DCTN5: variants seen among roughly 807,000 people sequenced by gnomAD.
The protein encoded by DCTN5 is dynactin subunit 5, also known as dynactin 4.
Under a neutral mutation model 23.5 loss-of-function variants are expected in DCTN5, and 14 were observed. The observed-to-expected ratio is 0.60, with a 90% CI of 0.39 to 0.93. DCTN5 has a LOEUF of 0.93. DCTN5 is among the 40% of genes least tolerant of loss of function. DCTN5 has a pLI of 0.00. For missense variants in DCTN5, 156 were observed against 225.9 expected (o/e 0.69, Z 1.98); for synonymous variants, 67 against 79.6 (o/e 0.84, Z 0.84).
rs541127725 is a variant in DCTN5, at chr16:23,673,996, C to G, written c.*6852C>G. 2.0e-5 allele frequency: 3 copies of G among 152,340 alleles called. No individual in the cohort carries two copies. In the East Asian group the frequency reaches 5.8e-4, roughly 29 times the overall value. 9.4% of individuals were successfully genotyped at this position (152,340 alleles called of 1,614,324 possible). On this transcript the variant is annotated 3_prime_UTR_variant, in exon 6 of 6. Coordinates refer to ENST00000300087, the MANE Select transcript of DCTN5 (RefSeq NM_032486.4). ...CCAACAAGATAAAAAGGCAGCCTTG[C>G]ATGTCACTTGGACCACAGCTGTCTG...
chr16:23,666,848 A>G lies in DCTN5; in HGVS notation c.452-199A>G, dbSNP rs1374198488. 8.1e-6 allele frequency: 6 copies of G among 738,930 alleles called. 1 individual carries two copies. The Admixed American group carries it at 1.9e-4, about 23-fold the overall frequency. 45.8% of individuals were successfully genotyped at this position (738,930 alleles called of 1,614,324 possible). A position where few individuals can be genotyped will look rare whatever the true frequency, so the allele number is the denominator to read the frequency against. On this transcript the variant is annotated intron_variant, in intron 5 of 5. Coordinates refer to ENST00000300087, the MANE Select transcript of DCTN5 (RefSeq NM_032486.4). Reference sequence around the variant, plus strand: ...GAGGAGGAAGGAGAGACTTTTGTTTAGTAATTTCTCCATATTGGGGTCCTG... The same window carrying G: ...GAGGAGGAAGGAGAGACTTTTGTTTGGTAATTTCTCCATATTGGGGTCCTG...
chr16:23,663,495 C>G (rs1024830710), intron 4 of DCTN5, among the ~76,000 whole-genome samples: 1 of 152,172 alleles, frequency 6.6e-6, no homozygotes, highest in African/African-American at 2.4e-5. Flanking sequence ...AGGAGGATCA[C>G]TTGAGGCCAG....
chr16:23,673,293 T>C lies in DCTN5; in HGVS notation c.*6149T>C, dbSNP rs886321235. ...AACTTGCTTGTATTTGTTTATTTTTTAAATAGAGACAGGGTTTTACCATGT... is the reference window on the plus strand; with the variant it reads ...AACTTGCTTGTATTTGTTTATTTTTCAAATAGAGACAGGGTTTTACCATGT... On this transcript the variant is annotated 3_prime_UTR_variant, in exon 6 of 6. Coordinates refer to ENST00000300087, the MANE Select transcript of DCTN5 (RefSeq NM_032486.4). The C allele has an allele frequency of 6.6e-6, 1 of 152,198 alleles. No homozygotes were observed. The highest frequency in any genetic ancestry group is 2.4e-5 in the African/African-American group (1 of 41,450). 9.4% of individuals were successfully genotyped at this position (152,198 alleles called of 1,614,324 possible).
At chr16:23,658,722 C>T (rs1967757609) in intron 3 of DCTN5, 97 bp downstream of exon 3, 3 of 904,594 alleles carry the variant, frequency 3.3e-6, no homozygotes, top group Non-Finnish European at 5.4e-6. Flanking sequence ...CTAGGTCTGT[C>T]CTGTTTGAAG....
chr16:23,660,442 G>A (rs936536355), intron 3 of DCTN5, among the ~76,000 whole-genome samples: 1 of 152,170 alleles, frequency 6.6e-6, no homozygotes, highest in African/African-American at 2.4e-5. Context: ...GACATTTGAG[G>A]AACCCTAGAG....
Position 23,675,540 on chromosome 16 carries a change from G to T in DCTN5, c.*8396G>T. ...AAAGTTTATCTACAAAAATGCTTTT[G>T]TGCCTCTTACATACAACCCTTCCAG... On this transcript the variant is annotated 3_prime_UTR_variant, in exon 6 of 6. Transcript: ENST00000300087. 1 of 151,616 alleles carries T rather than the reference G, an allele frequency of 6.6e-6. No homozygotes were observed. The highest frequency in any genetic ancestry group is 1.9e-4 in the East Asian group (1 of 5,164). The allele number at this position is 151,616 out of a possible 1,614,324, so 9.4% of individuals were successfully genotyped here. A position where few individuals can be genotyped will look rare whatever the true frequency, so the allele number is the denominator to read the frequency against.
chr16:23,654,811 C>A (rs1039406564), intron 2 of DCTN5, among the ~76,000 whole-genome samples: 2 of 152,172 alleles, frequency 1.3e-5, no homozygotes, highest in African/African-American at 4.8e-5. Context: ...GTCTTGAAAT[C>A]TGCTTTTTTA....
intron 4 of DCTN5, among the ~76,000 whole-genome samples, chr16:23,665,196 T>G (rs1967883479): frequency 6.6e-6 from 1 of 152,144 alleles, no homozygotes; most frequent in African/African-American, 2.4e-5. Context: ...GTTTCCAGGC[T>G]TGGGGTTTGG....
intron 2 of DCTN5, among the ~76,000 whole-genome samples, chr16:23,657,263 G>A (rs1484491366): frequency 6.6e-6 from 1 of 152,134 alleles, no homozygotes; most frequent in Non-Finnish European, 1.5e-5. Context: ...CAAGACCAGC[G>A]TGGGCAACAT....
In DCTN5 at chr16:23,658,498, G is replaced by A. The variant is rs750072403; in HGVS notation, c.118-9G>A. 2.4e-5 allele frequency: 38 copies of A among 1,606,636 alleles called. No homozygotes were observed. The highest frequency in any genetic ancestry group is 4.5e-5 in the East Asian group (2 of 44,856). ...TTGCTAATTTTTTAAAATTTGCTTC[G>A]TCTTACAGACCATTGTGATGAATGA... On this transcript the variant is annotated splice_polypyrimidine_tract_variant and intron_variant, in intron 2 of 5. Transcript: ENST00000300087.
At position 23,672,118 on chromosome 16, in the gene DCTN5, G is replaced by A. The variant is rs1968016689; in HGVS notation, c.*4974G>A. 1 of 152,186 alleles carries A rather than the reference G, an allele frequency of 6.6e-6. No homozygotes were observed. The highest frequency in any genetic ancestry group is 1.5e-5 in the Non-Finnish European group (1 of 68,050). 9.4% of individuals were successfully genotyped at this position (152,186 alleles called of 1,614,324 possible). ...GAACCTGAGGAAGAGTAGGGTCAGA[G>A]GAGTCTGGGAGAATGAGGAAATATG... On this transcript the variant is annotated 3_prime_UTR_variant, in exon 6 of 6. Coordinates refer to ENST00000300087, the MANE Select transcript of DCTN5 (RefSeq NM_032486.4).
chr16:23,657,339 C>T (rs549539195), intron 2 of DCTN5: 2 of 254,018 alleles, frequency 7.9e-6, no homozygotes, highest in Non-Finnish European at 1.6e-5. Context: ...ACCTGTAGTC[C>T]CAGCTGCACA....
rs1000129476 is a variant in DCTN5, at chr16:23,674,222, G to T, written c.*7078G>T. The T allele has an allele frequency of 6.6e-6, 1 of 152,306 alleles. No individual in the cohort carries two copies. The highest frequency in any genetic ancestry group is 2.1e-4 in the South Asian group (1 of 4,822). The allele number at this position is 152,306 out of a possible 1,614,324, so 9.4% of individuals were successfully genotyped here. On this transcript the variant is annotated 3_prime_UTR_variant, in exon 6 of 6. Coordinates refer to ENST00000300087, the MANE Select transcript of DCTN5 (RefSeq NM_032486.4). ...TGACCAGGACTCAGACGTTGGGGCC[G>T]TTGGAGATTAAGGACCCCCTCCGTG...
chr16:23,644,176 G>A (rs1184582080), intron 2 of DCTN5, among the ~76,000 whole-genome samples: 1 of 151,788 alleles, frequency 6.6e-6, no homozygotes, highest in Non-Finnish European at 1.5e-5. Context: ...CACCCAGGTC[G>A]GAGTACAGTG....
intron 2 of DCTN5, among the ~76,000 whole-genome samples, chr16:23,655,243 C>T (rs547783803): frequency 6.6e-6 from 1 of 152,212 alleles, no homozygotes; most frequent in East Asian, 1.9e-4. Flanking sequence ...TAAGGAATTC[C>T]CACAAACTCA....
intron 3 of DCTN5, among the ~76,000 whole-genome samples, chr16:23,659,783 T>C (rs1353850091): frequency 2.6e-5 from 4 of 152,150 alleles, no homozygotes; most frequent in African/African-American, 9.7e-5. Flanking sequence ...AACATTCACA[T>C]GATTAGCTTT....
At chr16:23,645,784 G>A (rs532950160) in intron 2 of DCTN5, among the ~76,000 whole-genome samples, 11 of 152,134 alleles carry the variant, frequency 7.2e-5, no homozygotes, top group South Asian at 2.1e-4. Flanking sequence ...GCCACATTTC[G>A]TATAGGCACT....
chr16:23,671,771 C>T lies in DCTN5; in HGVS notation c.*4627C>T, dbSNP rs1968011764. On this transcript the variant is annotated 3_prime_UTR_variant, in exon 6 of 6. Transcript: ENST00000300087. ...AGCTTTTGCTGGTGGGCCAGCCCCACCTGCTTTCCTTGTGCACTCTGACTT... is the reference window on the plus strand; with the variant it reads ...AGCTTTTGCTGGTGGGCCAGCCCCATCTGCTTTCCTTGTGCACTCTGACTT... The T allele has an allele frequency of 6.6e-6, 1 of 152,292 alleles. No individual in the cohort carries two copies. Among genetic ancestry groups the T allele is most frequent in the Non-Finnish European group, 1.5e-5 (1 of 68,102 alleles). The allele number at this position is 152,292 out of a possible 1,614,324, so 9.4% of individuals were successfully genotyped here.
At chr16:23,652,137 C>T (rs1031731769) in intron 2 of DCTN5, among the ~76,000 whole-genome samples, 1 of 150,646 alleles carries the variant, frequency 6.6e-6, no homozygotes, top group Non-Finnish European at 1.5e-5. Flanking sequence ...GTAGACTATA[C>T]GTATGCAGTT....
Sources: allele counts gnomAD v4.1 joint callset (sites outside exome capture counted in the v4.1 genomes callset), GRCh38; gene constraint gnomAD v4.1.1; transcripts MANE v1.5; gene names NCBI Gene and HGNC (gene_info 2026-07-23, HGNC 2026-07-21).